CACNA1C: variants seen among roughly 807,000 people sequenced by gnomAD.
The protein encoded by CACNA1C is calcium voltage-gated channel subunit alpha1 C.
CACNA1C carries 30 observed loss-of-function variants against 229.0 expected under a neutral mutation model. The observed-to-expected ratio is 0.13, with a 90% confidence interval of 0.10 to 0.18. CACNA1C has a LOEUF of 0.18. Among genes scored for constraint, CACNA1C ranks in the 10% least tolerant of loss-of-function variants. The pLI is 1.00. For missense variants in CACNA1C, 1,658 were observed against 2,845.0 expected (o/e 0.58, Z 9.49); for synonymous variants, 1,114 against 1,132.5 (o/e 0.98, Z 0.33).
intron 1 of CACNA1C, among the ~76,000 whole-genome samples, chr12:2,001,976 C>T (rs1194930330): frequency 6.6e-6 from 1 of 152,222 alleles, no homozygotes; most frequent in Non-Finnish European, 1.5e-5. Context: ...TTATGGTCTT[C>T]AATTGACACA....
intron 3 of CACNA1C, among the ~76,000 whole-genome samples, chr12:2,214,455 G>A (rs2283290): frequency 0.1 from 15,186 of 152,142 alleles, 978 homozygotes; most frequent in South Asian, 0.15. Flanking sequence ...TTCTTACTAC[G>A]TGTGGTCATT....
At chr12:2,111,566 A>G (rs874925) in intron 1 of CACNA1C, among the ~76,000 whole-genome samples, 105,124 of 149,364 alleles carry the variant, frequency 0.7, 37,025 homozygotes, top group East Asian at 0.72. Flanking sequence ...CAGCCGTCTC[A>G]GGGGAGGCGT....
rs1567203418 is a variant in CACNA1C, at chr12:2,354,225, A to G, written c.478-94751A>G. Among the ~76,000 whole-genome samples, 1 of 152,150 alleles carries G rather than the reference A, an allele frequency of 6.6e-6. No homozygotes were observed. On this transcript the variant is annotated intron_variant, in intron 3 of 46. Transcript: ENST00000399655. This position sits in a 1 kb window ranked among gnomAD's most constrained non-coding sequence, Gnocchi z 4.6. ...GGGCCCCGCACAGTTAGGCTGCCCG[A>G]GTCCCTCTGTCCTCGCACCCTCACC...
intron 18 of CACNA1C, among the ~76,000 whole-genome samples, chr12:2,587,891 C>T (rs1190189933): frequency 2.0e-5 from 3 of 152,192 alleles, no homozygotes; most frequent in African/African-American, 7.2e-5. Flanking sequence ...GCCACCACTC[C>T]GGCCTCTGAA....
chr12:2,562,906 A>C (rs913903025), intron 11 of CACNA1C, among the ~76,000 whole-genome samples: 1 of 152,150 alleles, frequency 6.6e-6, no homozygotes, highest in Non-Finnish European at 1.5e-5. Flanking sequence ...CTTTTAGTTT[A>C]TTTTAAAATA....
intron 1 of CACNA1C, chr12:1,991,213 G>T (rs2039333040): frequency 2.2e-6 from 1 of 455,994 alleles, no homozygotes; most frequent in Admixed American, 2.3e-5. Flanking sequence ...TTTTTACACA[G>T]TCTGCCTCCT....
At chr12:2,084,019 A>ATG (rs1218422689) in intron 1 of CACNA1C, among the ~76,000 whole-genome samples, 1 of 152,240 alleles carries the variant, frequency 6.6e-6, no homozygotes, top group East Asian at 1.9e-4. Context: ...CTATATATAT[A>ATG]AAGGATTTTA....
intron 3 of CACNA1C, among the ~76,000 whole-genome samples, chr12:2,306,585 T>C (rs768865123): frequency 4.6e-5 from 7 of 152,164 alleles, no homozygotes; most frequent in Admixed American, 1.3e-4. Context: ...CCTCAGAATG[T>C]CAATCTTTCC....
chr12:2,540,158 C>G (rs563510793), intron 9 of CACNA1C, among the ~76,000 whole-genome samples: 10 of 152,090 alleles, frequency 6.6e-5, no homozygotes, highest in Non-Finnish European at 1.2e-4. Flanking sequence ...ATGGGCCGGC[C>G]CAAGCAGGAA....
chr12:2,633,789 T>G lies in CACNA1C; in HGVS notation c.3829-508T>G. Reference sequence around the variant, plus strand: ...CCTCGTCTATTTCTCTCTCTCTCACTCTCTCTGTTTACCTTCTTTTATGTT... The same window carrying G: ...CCTCGTCTATTTCTCTCTCTCTCACGCTCTCTGTTTACCTTCTTTTATGTT... On this transcript the variant is annotated intron_variant, in intron 29 of 46. Coordinates refer to ENST00000399655, the MANE Select transcript of CACNA1C (RefSeq NM_000719.7). The surrounding 1 kb of genome is among the most constrained non-coding windows in gnomAD (Gnocchi z 5.8). The G allele has an allele frequency of 3.7e-6, 3 of 806,742 alleles. No homozygotes were observed. Among genetic ancestry groups the G allele is most frequent in the East Asian group, 2.6e-5 (1 of 38,378 alleles). The allele number at this position is 806,742 out of a possible 1,614,324, so 50.0% of individuals were successfully genotyped here.
chr12:2,546,191 A>G (rs2099880591), intron 9 of CACNA1C, among the ~76,000 whole-genome samples: 1 of 151,798 alleles, frequency 6.6e-6, no homozygotes, highest in African/African-American at 2.4e-5. Context: ...TGGTGTCTTC[A>G]CACACTCCTG....
intron 3 of CACNA1C, among the ~76,000 whole-genome samples, chr12:2,302,249 T>G (rs1470470906): frequency 1.3e-5 from 2 of 151,956 alleles, no homozygotes; most frequent in Non-Finnish European, 2.9e-5. Flanking sequence ...GCTGGGACTT[T>G]CGGATGGAGG....
In CACNA1C at chr12:2,197,169, C is replaced by G. The variant is rs181021657; in HGVS notation, c.477+76739C>G. 3.6e-3 allele frequency among the ~76,000 whole-genome samples: 544 copies of G among 152,308 alleles called. 13 individuals are homozygous for G. The highest frequency in any genetic ancestry group is 0.029 in the Admixed American group (447 of 15,304). Reference sequence around the variant, plus strand: ...AGCTGGCAGAACCAAGAGAATGCAACACACTGGCCTCCACCTTGGCCCAGA... The same window carrying G: ...AGCTGGCAGAACCAAGAGAATGCAAGACACTGGCCTCCACCTTGGCCCAGA... On this transcript the variant is annotated intron_variant, in intron 3 of 46. Coordinates refer to ENST00000399655, the MANE Select transcript of CACNA1C (RefSeq NM_000719.7).
chr12:2,213,486 C>T (rs2059196677), intron 3 of CACNA1C, among the ~76,000 whole-genome samples: 1 of 152,186 alleles, frequency 6.6e-6, no homozygotes, highest in African/African-American at 2.4e-5. Flanking sequence ...ACATGGACAT[C>T]TAGACGGGGG....
At chr12:2,610,437 C>T (rs2077148344) in intron 27 of CACNA1C, 104 bp from the exon 28 acceptor site, 3 of 1,177,334 alleles carry the variant, frequency 2.5e-6, no homozygotes, top group South Asian at 3.2e-5. Flanking sequence ...GAGAACCCCA[C>T]CCCACAGTGT....
chr12:2,399,536 ACTC>A (rs1322318775), intron 3 of CACNA1C, among the ~76,000 whole-genome samples: 2 of 151,678 alleles, frequency 1.3e-5, no homozygotes, highest in South Asian at 2.1e-4. Flanking sequence ...CCCCGGCTGA[ACTC>A]CTCTCTGACC....
chr12:2,178,846 G>A (rs966845791), intron 3 of CACNA1C, among the ~76,000 whole-genome samples: 4 of 152,226 alleles, frequency 2.6e-5, no homozygotes, highest in South Asian at 2.1e-4. Context: ...CAGATCACCC[G>A]AGGTCAGGAG....
At chr12:2,239,999 T>C (rs2069209706) in intron 3 of CACNA1C, among the ~76,000 whole-genome samples, 1 of 152,248 alleles carries the variant, frequency 6.6e-6, no homozygotes. Flanking sequence ...TTGTGAAGAC[T>C]TAAACAAATT....
At chr12:2,628,206 G>A (rs12099929) in intron 29 of CACNA1C, among the ~76,000 whole-genome samples, 173 of 152,276 alleles carry the variant, frequency 1.1e-3, no homozygotes, top group African/African-American at 3.8e-3. Context: ...GCATGCACCC[G>A]TCACCCCTTC....
Sources: allele counts gnomAD v4.1 joint callset (sites outside exome capture counted in the v4.1 genomes callset), GRCh38; gene constraint gnomAD v4.1.1; non-coding constraint Gnocchi (gnomAD v3.1); transcripts MANE v1.5; gene names NCBI Gene and HGNC (gene_info 2026-07-23, HGNC 2026-07-21).